Variants in BRAF observed in about 807,000 individuals in gnomAD.
BRAF encodes the protein B-Raf proto-oncogene, serine/threonine kinase.
Under a neutral mutation model 104.6 loss-of-function variants are expected in BRAF, and 16 were observed. The ratio of observed to expected loss-of-function variants is 0.15; its 90% CI spans 0.10 to 0.23. The LOEUF (loss-of-function observed/expected upper bound fraction) is 0.23. BRAF is among the 10% of genes least tolerant of loss of function. The pLI, the probability that BRAF is intolerant of heterozygous loss-of-function variation, is 1.00. For synonymous variants in BRAF, 310 were observed against 341.6 expected, an observed-to-expected ratio of 0.91 and a Z score of 1.02; for missense variants, 541 against 937.3, an observed-to-expected ratio of 0.58 and a Z score of 5.52.
chr7:140,861,924 C>T (rs1232896290), intron 1 of BRAF, among the ~76,000 whole-genome samples: 2 of 152,016 alleles, frequency 1.3e-5, no homozygotes, highest in Non-Finnish European at 2.9e-5. Flanking sequence ...TAAGCTAGCT[C>T]CTTCCAGGAA....
chr7:140,791,952 T>C (rs1330812615), intron 8 of BRAF, among the ~76,000 whole-genome samples: 1 of 152,202 alleles, frequency 6.6e-6, no homozygotes, highest in Non-Finnish European at 1.5e-5. Context: ...TTTCTTAACC[T>C]CTGTAAATCT....
chr7:140,915,925 CTGCT>C (rs1172939759), intron 1 of BRAF, among the ~76,000 whole-genome samples: 8 of 152,024 alleles, frequency 5.3e-5, no homozygotes, highest in Non-Finnish European at 1.0e-4. Flanking sequence ...CTGGGAAGGA[CTGCT>C]TGAGCCCAGG....
At chr7:140,883,277 T>C (rs2129106086) in intron 1 of BRAF, among the ~76,000 whole-genome samples, 1 of 152,284 alleles carries the variant, frequency 6.6e-6, no homozygotes, top group Admixed American at 6.5e-5. Context: ...GGATCCTATT[T>C]AGTCACACCA....
Position 140,723,803 on chromosome 7 carries a change from T to C in BRAF, c.*2691A>G, listed in dbSNP as rs1379166826. ...GATGATCAGTGACGCAGCCACATACTGTCTATACAATTACTCATAAAGTGC... is the reference window on the plus strand; with the variant it reads ...GATGATCAGTGACGCAGCCACATACCGTCTATACAATTACTCATAAAGTGC... On this transcript the variant is annotated 3_prime_UTR_variant, in exon 20 of 20. Transcript: ENST00000644969. The C allele has an allele frequency of 3.8e-6, 4 of 1,047,660 alleles. No individual in the cohort carries two copies. Among genetic ancestry groups the C allele is most frequent in the African/African-American group, 1.7e-5 (1 of 60,106 alleles). The allele number at this position is 1,047,660 out of a possible 1,614,324, so 64.9% of individuals were successfully genotyped here. A position where few individuals can be genotyped will look rare whatever the true frequency, so the allele number is the denominator to read the frequency against.
At chr7:140,765,940 C>T (rs1442652197) in intron 14 of BRAF, among the ~76,000 whole-genome samples, 1 of 138,908 alleles carries the variant, frequency 7.2e-6, no homozygotes, top group Non-Finnish European at 1.5e-5. Context: ...CCCAGCCATC[C>T]CATTACTGGG....
chr7:140,831,726 T>C (rs967674782), intron 3 of BRAF, among the ~76,000 whole-genome samples: 1 of 152,282 alleles, frequency 6.6e-6, no homozygotes, highest in South Asian at 2.1e-4. Flanking sequence ...AATTCAGAAT[T>C]TCAATGTTTT....
chr7:140,726,036 A>G lies in BRAF; in HGVS notation c.*458T>C. ...GTGGTCACTAGGGGAAAGAGCTCCA[A>G]AACAAAATTCCAGAACAGGAAAGAG... On this transcript the variant is annotated 3_prime_UTR_variant, in exon 20 of 20. Transcript: ENST00000644969. The G allele has an allele frequency of 9.3e-7, 1 of 1,071,066 alleles. No individual in the cohort carries two copies. Among genetic ancestry groups the G allele is most frequent in the African/African-American group, 1.6e-5 (1 of 61,334 alleles). 66.3% of individuals were successfully genotyped at this position (1,071,066 alleles called of 1,614,324 possible).
At chr7:140,757,353 G>A (rs139777119) in intron 14 of BRAF, among the ~76,000 whole-genome samples, 3 of 152,022 alleles carry the variant, frequency 2.0e-5, no homozygotes, top group East Asian at 1.9e-4. Context: ...GCGGTGGTGC[G>A]ATATCGGCTC....
chr7:140,863,368 T>C lies in BRAF; in HGVS notation c.139-13156A>G, dbSNP rs1011803510. Among the ~76,000 whole-genome samples, 40 of 151,584 alleles carry C rather than the reference T, an allele frequency of 2.6e-4. 1 individual carries two copies. The highest frequency in any genetic ancestry group is 8.7e-4 in the African/African-American group (36 of 41,258). On this transcript the variant is annotated intron_variant, in intron 1 of 19. Coordinates refer to ENST00000644969, the MANE Select transcript of BRAF (RefSeq NM_001374258.1). ...GGCTATATGGTAAGCAAGGGGAGAG[T>C]AGAAACAAGATGGGTATCAGAAAAA...
At chr7:140,898,723 C>T (rs1053371168) in intron 1 of BRAF, among the ~76,000 whole-genome samples, 7 of 152,196 alleles carry the variant, frequency 4.6e-5, no homozygotes, top group African/African-American at 1.7e-4. Flanking sequence ...CTGAGGTAGT[C>T]ACTATCACTC....
chr7:140,752,873 A>G (rs2128997623), intron 16 of BRAF, among the ~76,000 whole-genome samples: 1 of 152,214 alleles, frequency 6.6e-6, no homozygotes, highest in African/African-American at 2.4e-5. Flanking sequence ...TTTTTTTTCA[A>G]CAGGGTACAC....
chr7:140,851,484 T>A (rs965185562), intron 1 of BRAF, among the ~76,000 whole-genome samples: 2 of 152,198 alleles, frequency 1.3e-5, no homozygotes, highest in Non-Finnish European at 2.9e-5. Flanking sequence ...ATAATTTCCT[T>A]ACTAAAGGAC....
chr7:140,831,931 T>C (rs1005548080), intron 3 of BRAF, among the ~76,000 whole-genome samples: 6 of 152,224 alleles, frequency 3.9e-5, no homozygotes, highest in African/African-American at 9.6e-5. Context: ...GACTATGCTA[T>C]CTGCTTCATC....
At chr7:140,739,395 T>C (rs954071154) in intron 18 of BRAF, among the ~76,000 whole-genome samples, 7 of 152,108 alleles carry the variant, frequency 4.6e-5, no homozygotes, top group Non-Finnish European at 7.4e-5. Flanking sequence ...TCTTAGATAA[T>C]AGAACTGTTT....
intron 17 of BRAF, among the ~76,000 whole-genome samples, chr7:140,747,018 C>T (rs1164198844): frequency 1.3e-5 from 2 of 152,032 alleles, no homozygotes; most frequent in Non-Finnish European, 2.9e-5. Context: ...ATTCACATTG[C>T]ATAGTAAAGA....
downstream of BRAF, among the ~76,000 whole-genome samples, chr7:140,715,017 C>T (rs1230688921): frequency 6.6e-6 from 1 of 152,168 alleles, no homozygotes; most frequent in East Asian, 1.9e-4. Flanking sequence ...CAGGGCATCT[C>T]CCACTGGTGA....
chr7:140,837,001 T>G (rs962912505), intron 2 of BRAF, among the ~76,000 whole-genome samples: 1 of 152,246 alleles, frequency 6.6e-6, no homozygotes, highest in African/African-American at 2.4e-5. Context: ...GAAAGTATAC[T>G]GATCCCTCCA....
At position 140,726,226 on chromosome 7, in the gene BRAF, G is replaced by T; in HGVS notation, c.*268C>A. The T allele has an allele frequency of 2.3e-6, 3 of 1,290,160 alleles. No homozygotes were observed. The highest frequency in any genetic ancestry group is 3.1e-5 in the East Asian group (1 of 32,308). The allele number at this position is 1,290,160 out of a possible 1,614,324, so 79.9% of individuals were successfully genotyped here. A position where few individuals can be genotyped will look rare whatever the true frequency, so the allele number is the denominator to read the frequency against. On this transcript the variant is annotated 3_prime_UTR_variant, in exon 20 of 20. Transcript: ENST00000644969. ...GACCATCAAAAGGTCAGAATTCAGG[G>T]TCTCTCCTCTTTCTTCCTGGGACTG... is the stretch of plus-strand genomic sequence containing the variant.
chr7:140,763,562 GAAGAA>G, intron 14 of BRAF, among the ~76,000 whole-genome samples: 1 of 152,278 alleles, frequency 6.6e-6, no homozygotes, highest in East Asian at 1.9e-4. Context: ...GACTAATAAA[GAAGAA>G]AAGAGAGAAG....
Sources: allele counts gnomAD v4.1 joint callset (sites outside exome capture counted in the v4.1 genomes callset), GRCh38; gene constraint gnomAD v4.1.1; transcripts MANE v1.5; gene names NCBI Gene and HGNC (gene_info 2026-07-23, HGNC 2026-07-21).